PEMT: variants seen among roughly 807,000 people sequenced by gnomAD.
PEMT encodes phospholipid methyltransferase.
PEMT carries 23 observed loss-of-function variants against 27.4 expected under a neutral mutation model. That is an observed-to-expected ratio of 0.84 (90% CI 0.60 to 1.19). The LOEUF is 1.19. Among genes scored for constraint, PEMT ranks in the 50% most tolerant of loss-of-function variants. The probability of loss-of-function intolerance (pLI) is 0.00; values close to 1 mark genes in which losing one functional copy is unlikely to be tolerated. For missense variants in PEMT, 307 were observed against 310.1 expected (o/e 0.99, Z 0.07); for synonymous variants, 137 against 139.1 (o/e 0.98, Z 0.11).
chr17:17,550,499 C>T (rs1443767853), intron 2 of PEMT, among the ~76,000 whole-genome samples: 1 of 152,090 alleles, frequency 6.6e-6, no homozygotes, highest in Non-Finnish European at 1.5e-5. Flanking sequence ...CCGCAGCTAT[C>T]GAGGGTATGC....
In PEMT at chr17:17,591,560, C is replaced by T; in HGVS notation, c.67G>A (p.Gly23Arg). The T allele has an allele frequency of 3.7e-6, 6 of 1,613,692 alleles. No homozygotes were observed. The highest frequency in any genetic ancestry group is 5.1e-6 in the Non-Finnish European group (6 of 1,179,776). ...CTAAAATCAATATTGCCGAGGCCTC[C>T]GCAGCAGTCAGGCCCTGCCACCGAG... ...NSSVAGPDCC[G>R]GLGNIDFRQA... Residue 23 changes from glycine (G) to arginine (R), a missense_variant, in exon 1 of 7, where the codon GGA (glycine) becomes AGA (arginine). Gly to Arg is a moderately radical substitution (Grantham distance 125). Coordinates refer to ENST00000255389, the MANE Select transcript of PEMT (RefSeq NM_148172.3).
intron 2 of PEMT, among the ~76,000 whole-genome samples, chr17:17,549,015 A>G (rs1056645951): frequency 6.6e-6 from 1 of 151,800 alleles, no homozygotes; most frequent in African/African-American, 2.4e-5. Context: ...ACAAGCAGCC[A>G]TGGAATTCTT....
At chr17:17,591,357 A>G in intron 1 of PEMT, 174 bp downstream of exon 1, 1 of 607,908 alleles carries the variant, frequency 1.6e-6, no homozygotes, top group Non-Finnish European at 2.9e-6. Flanking sequence ...GCACACACAC[A>G]GACACCAGCC....
intron 2 of PEMT, among the ~76,000 whole-genome samples, chr17:17,559,357 C>T (rs943343842): frequency 4.6e-5 from 7 of 152,242 alleles, no homozygotes; most frequent in Non-Finnish European, 1.0e-4. Flanking sequence ...CTGAGGCTCA[C>T]AGAGGCTAAC....
chr17:17,507,450 A>G lies in PEMT; in HGVS notation c.579-1149T>C, dbSNP rs1407813353. 5 of 544,316 alleles carry G rather than the reference A, an allele frequency of 9.2e-6. No individual in the cohort carries two copies. In the Admixed American group the frequency reaches 1.5e-4, roughly 17 times the overall value. The allele number at this position is 544,316 out of a possible 1,614,324, so 33.7% of individuals were successfully genotyped here. A position where few individuals can be genotyped will look rare whatever the true frequency, so the allele number is the denominator to read the frequency against. On this transcript the variant is annotated intron_variant, in intron 5 of 6. Transcript: ENST00000255389. The stretch of plus-strand genomic sequence containing the variant: ...CCCTCTGCCCTGCCCACTGCCTTCC[A>G]CCCCTGGACCTCACACTGGTCTGCC...
At chr17:17,562,618 G>A (rs774087793) in intron 2 of PEMT, among the ~76,000 whole-genome samples, 21 of 152,340 alleles carry the variant, frequency 1.4e-4, no homozygotes, top group Non-Finnish European at 2.4e-4. Flanking sequence ...AGACCAGCCT[G>A]GCCAACATGG....
intron 2 of PEMT, among the ~76,000 whole-genome samples, chr17:17,535,519 C>T (rs1326451989): frequency 6.6e-6 from 1 of 150,634 alleles, no homozygotes; most frequent in African/African-American, 2.4e-5. Context: ...GAGCTGAGAT[C>T]GCGCCACTGC....
At chr17:17,540,308 G>GGACTCTGCGCTCTATCCCAGTGCC (rs1908791949) in intron 2 of PEMT, among the ~76,000 whole-genome samples, 1 of 152,222 alleles carries the variant, frequency 6.6e-6, no homozygotes, top group African/African-American at 2.4e-5. Context: ...TGCCCCAGGT[G>GGACTCTGCGCTCTATCCCAGTGCC]GACTCTGCGC....
upstream of PEMT, chr17:17,592,109 G>GCC (rs929249534): frequency 2.9e-4 from 286 of 985,186 alleles, 1 homozygote; most frequent in East Asian, 1.5e-3. Context: ...CACGCCCAGG[G>GCC]CCCCACGCCC....
chr17:17,565,424 A>C (rs1910766881), intron 2 of PEMT: 2 of 152,436 alleles, frequency 1.3e-5, no homozygotes, highest in Non-Finnish European at 2.9e-5. Context: ...CTGGAACAGA[A>C]GCTCAGTGTT....
chr17:17,517,845 G>A (rs900381689), intron 3 of PEMT: 6 of 369,528 alleles, frequency 1.6e-5, no homozygotes, highest in South Asian at 1.1e-4. Flanking sequence ...CTGAAGAGCC[G>A]GCTCACTCCT....
chr17:17,516,754 G>A (rs1906867334), intron 3 of PEMT, among the ~76,000 whole-genome samples: 1 of 152,110 alleles, frequency 6.6e-6, no homozygotes, highest in Admixed American at 6.5e-5. Flanking sequence ...TTGCCGAACT[G>A]CAGCCCCTCT....
intron 1 of PEMT, among the ~76,000 whole-genome samples, chr17:17,584,822 G>A (rs1448770183): frequency 6.6e-6 from 1 of 152,260 alleles, no homozygotes; most frequent in Non-Finnish European, 1.5e-5. Context: ...CCCGTGCCAC[G>A]GCGGGCAGCC....
intron 2 of PEMT, chr17:17,571,055 G>T (rs1911165676): frequency 5.1e-6 from 1 of 197,502 alleles, no homozygotes; most frequent in Non-Finnish European, 9.1e-6. Flanking sequence ...CACAGACTGA[G>T]ACTCAGATGA....
chr17:17,559,553 G>C (rs1326296781), intron 2 of PEMT, among the ~76,000 whole-genome samples: 8 of 152,260 alleles, frequency 5.3e-5, no homozygotes, highest in African/African-American at 1.9e-4. Context: ...AAACGGGCCT[G>C]TGAGTCCTCA....
At chr17:17,587,650 G>A (rs1912385074) in intron 1 of PEMT, among the ~76,000 whole-genome samples, 1 of 152,080 alleles carries the variant, frequency 6.6e-6, no homozygotes, top group African/African-American at 2.4e-5. Flanking sequence ...ATCACTTAAG[G>A]TCAGGAGTTT....
chr17:17,573,166 G>A (rs1357934657), intron 2 of PEMT, among the ~76,000 whole-genome samples: 1 of 150,310 alleles, frequency 6.7e-6, no homozygotes, highest in African/African-American at 2.5e-5. Context: ...TCCAGCCTGG[G>A]CAACAGAGCA....
At chr17:17,519,650 ACT>A (rs796609235) in intron 3 of PEMT, among the ~76,000 whole-genome samples, 35 of 152,016 alleles carry the variant, frequency 2.3e-4, no homozygotes, top group African/African-American at 7.7e-4. Context: ...AGGGCCCTCT[ACT>A]CTCTGCCTTG....
chr17:17,521,862 C>T (rs1284974662), intron 3 of PEMT, among the ~76,000 whole-genome samples: 1 of 152,136 alleles, frequency 6.6e-6, no homozygotes, highest in African/African-American at 2.4e-5. Context: ...CCACCACGCC[C>T]GGCCTCAAAG....
Sources: gnomAD v4.1 joint callset for allele counts (sites outside exome capture counted in the v4.1 genomes callset) on GRCh38, gnomAD v4.1.1 for gene constraint, MANE v1.5 for transcripts, NCBI Gene and HGNC (gene_info 2026-07-23, HGNC 2026-07-21) for gene names.